The following ART3 variants were observed in gnomAD, a reference collection of about 807,000 sequenced individuals.
The protein encoded by ART3 is ecto-ADP-ribosyltransferase 3.
ART3 carries 49 observed loss-of-function variants against 48.5 expected under a neutral mutation model. That is an observed-to-expected ratio of 1.01 (90% CI 0.80 to 1.28). The LOEUF (loss-of-function observed/expected upper bound fraction) is 1.28, where lower values mean the gene tolerates loss of function less well. Ranked by LOEUF, ART3 falls within the 50% of genes most tolerant of loss-of-function variation. The probability of loss-of-function intolerance (pLI) is 0.00; values close to 1 mark genes in which losing one functional copy is unlikely to be tolerated. For missense variants in ART3, 438 were observed against 454.3 expected, an observed-to-expected ratio of 0.96 and a Z score of 0.33; for synonymous variants, 145 against 157.2, an observed-to-expected ratio of 0.92 and a Z score of 0.58.
chr4:76,028,295 C>G (rs890675154), intron 1 of ART3, among the ~76,000 whole-genome samples: 25 of 152,170 alleles, frequency 1.6e-4, no homozygotes, highest in African/African-American at 6.0e-4. Flanking sequence ...ATATATTTCT[C>G]TCAATTTTTG....
intron 1 of ART3, among the ~76,000 whole-genome samples, chr4:76,051,410 A>T (rs1255484104): frequency 6.6e-6 from 1 of 152,196 alleles, no homozygotes; most frequent in African/African-American, 2.4e-5. Flanking sequence ...CAAGGTAGCC[A>T]TTAGGCACTG....
At chr4:76,018,182 T>C (rs10000130) in intron 1 of ART3, among the ~76,000 whole-genome samples, 94,192 of 152,100 alleles carry the variant, frequency 0.62, 30,317 homozygotes, top group East Asian at 0.94. Flanking sequence ...ATAGCAAAGA[T>C]ATGGAACCAA....
intron 3 of ART3, among the ~76,000 whole-genome samples, chr4:76,088,527 C>T (rs1037047249): frequency 6.6e-6 from 1 of 152,222 alleles, no homozygotes; most frequent in Middle Eastern, 3.4e-3. Flanking sequence ...ACAGGACTAT[C>T]CAGATTTATT....
chr4:76,101,668 C>T (rs1347610453), intron 8 of ART3, among the ~76,000 whole-genome samples: 2 of 152,218 alleles, frequency 1.3e-5, no homozygotes, highest in Non-Finnish European at 1.5e-5. Flanking sequence ...AGGAGAATCA[C>T]TTGAACCTGG....
At chr4:76,097,466 C>T (rs1282288607) in intron 3 of ART3, among the ~76,000 whole-genome samples, 178 bp from the exon 4 acceptor site, 2 of 152,060 alleles carry the variant, frequency 1.3e-5, no homozygotes, top group East Asian at 3.9e-4. Flanking sequence ...ATCAGCCTTT[C>T]GAAATGCTGG....
intron 1 of ART3, among the ~76,000 whole-genome samples, chr4:76,044,727 C>T (rs1425870214): frequency 6.6e-6 from 1 of 151,916 alleles, no homozygotes; most frequent in Non-Finnish European, 1.5e-5. Flanking sequence ...CTTCCTCTCC[C>T]TGTCTCTTTC....
At chr4:76,054,214 A>C (rs756731340) in intron 1 of ART3, among the ~76,000 whole-genome samples, 1 of 152,198 alleles carries the variant, frequency 6.6e-6, no homozygotes, top group Non-Finnish European at 1.5e-5. Flanking sequence ...TAAATGCACA[A>C]AGGAGCTTGC....
chr4:76,048,052 C>T (rs1441381376), intron 1 of ART3, among the ~76,000 whole-genome samples: 1 of 151,730 alleles, frequency 6.6e-6, no homozygotes, highest in Non-Finnish European at 1.5e-5. Flanking sequence ...TTTTTATGGT[C>T]GTTTGGAGAT....
intron 1 of ART3, among the ~76,000 whole-genome samples, chr4:76,040,260 AG>A (rs1734818270): frequency 6.6e-6 from 1 of 152,142 alleles, no homozygotes; most frequent in South Asian, 2.1e-4. Flanking sequence ...AGAAGGCGGA[AG>A]TTGCAGCGAG....
chr4:76,048,453 T>A (rs866215721), intron 1 of ART3, among the ~76,000 whole-genome samples: 3 of 151,766 alleles, frequency 2.0e-5, no homozygotes, highest in Admixed American at 1.3e-4. Flanking sequence ...AGGGTGAGCC[T>A]GTTGATGCAT....
At chr4:76,026,973 C>T (rs569691502) in intron 1 of ART3, among the ~76,000 whole-genome samples, 16 of 152,266 alleles carry the variant, frequency 1.1e-4, no homozygotes, top group Admixed American at 1.3e-4. Flanking sequence ...CTTTATGGGC[C>T]GGGCAAGGTG....
intron 1 of ART3, among the ~76,000 whole-genome samples, chr4:76,056,583 G>A (rs887463268): frequency 6.6e-5 from 10 of 152,206 alleles, no homozygotes; most frequent in African/African-American, 2.4e-4. Context: ...CAGAGTAATG[G>A]GAGGATGGGT....
At chr4:76,071,367 CA>C (rs58525379), upstream of ART3, among the ~76,000 whole-genome samples, 30,329 of 130,578 alleles carry the variant, frequency 0.23, 5,113 homozygotes, top group African/African-American at 0.5. Context: ...GACTCCATCT[CA>C]AAAAAAAAAA....
At chr4:76,072,490 A>T (rs1245860823), upstream of ART3, among the ~76,000 whole-genome samples, 1 of 151,904 alleles carries the variant, frequency 6.6e-6, no homozygotes, top group African/African-American at 2.4e-5. Context: ...TCTACTTCTC[A>T]TTACGTTTAA....
At position 76,049,882 on chromosome 4, in the gene ART3, G is replaced by A. The variant is rs747585307; in HGVS notation, c.-9-25999G>A. Among the ~76,000 whole-genome samples, 64 of 151,898 alleles carry A rather than the reference G, an allele frequency of 4.2e-4. 1 individual carries two copies. Among genetic ancestry groups the A allele is most frequent in the Middle Eastern group, 3.2e-3 (1 of 316 alleles). ...TGAGTGTTACAGCTCTTAAGGTGGC[G>A]CGTCTGGAGTTTGTTCCTTCTGATG... On this transcript the variant is annotated intron_variant, in intron 1 of 9. Transcript: ENST00000341029.
chr4:76,037,760 T>G (rs1053943040), intron 1 of ART3, among the ~76,000 whole-genome samples: 1 of 152,226 alleles, frequency 6.6e-6, no homozygotes, highest in Non-Finnish European at 1.5e-5. Context: ...TTTTTTTAGC[T>G]CCTGTCTTTG....
intron 1 of ART3, chr4:76,034,687 G>T: frequency 1.1e-6 from 1 of 893,570 alleles, no homozygotes; most frequent in Non-Finnish European, 1.8e-6. Context: ...CCATAGAAAA[G>T]TCTCAGTTTC....
intron 3 of ART3, among the ~76,000 whole-genome samples, chr4:76,083,137 G>A (rs569595501): frequency 8.9e-4 from 135 of 152,282 alleles, no homozygotes; most frequent in African/African-American, 3.0e-3. Context: ...AGTCCAGGCT[G>A]TAGTGAGCTG....
chr4:76,047,133 G>A (rs1245620093), intron 1 of ART3, among the ~76,000 whole-genome samples: 1 of 151,984 alleles, frequency 6.6e-6, no homozygotes, highest in Non-Finnish European at 1.5e-5. Context: ...GGACGAGGGG[G>A]CAGCTTGTTT....
Sources: gnomAD v4.1 joint callset for allele counts (sites outside exome capture counted in the v4.1 genomes callset) on GRCh38, gnomAD v4.1.1 for gene constraint, MANE v1.5 for transcripts, NCBI Gene and HGNC (gene_info 2026-07-23, HGNC 2026-07-21) for gene names.